Variants in LRP1B observed in about 807,000 individuals in gnomAD.
LRP1B encodes the protein low-density lipoprotein receptor-related protein 1B.
Under a neutral mutation model 556.6 loss-of-function variants are expected in LRP1B, and 217 were observed. That is an observed-to-expected ratio of 0.39 (90% CI 0.35 to 0.44). The LOEUF (loss-of-function observed/expected upper bound fraction) is 0.44. LRP1B is among the 20% of genes least tolerant of loss of function. The probability of loss-of-function intolerance (pLI) is 1.00; values close to 1 mark genes in which losing one functional copy is unlikely to be tolerated. For synonymous variants in LRP1B, 2,047 were observed against 1,865.8 expected (o/e 1.10, Z -2.50); for missense variants, 5,053 against 5,620.8 (o/e 0.90, Z 3.23).
chr2:141,412,784 A>G (rs575788061), intron 3 of LRP1B, among the ~76,000 whole-genome samples: 4 of 152,330 alleles, frequency 2.6e-5, no homozygotes, highest in Non-Finnish European at 5.9e-5. Flanking sequence ...GAAATGATAA[A>G]TCCTGAATCC....
intron 3 of LRP1B, among the ~76,000 whole-genome samples, chr2:141,438,455 T>A (rs116697368): frequency 2.0e-3 from 307 of 152,300 alleles, no homozygotes; most frequent in Non-Finnish European, 3.7e-3. Context: ...GCATTTTTCA[T>A]TTCTAATTAC....
At chr2:141,861,276 C>A (rs918229326) in intron 1 of LRP1B, among the ~76,000 whole-genome samples, 1 of 152,148 alleles carries the variant, frequency 6.6e-6, no homozygotes, top group Non-Finnish European at 1.5e-5. Context: ...TTACTCTCCC[C>A]CTTGAGGACT....
intron 60 of LRP1B, among the ~76,000 whole-genome samples, chr2:140,466,695 C>A (rs1348334534): frequency 6.6e-6 from 1 of 152,078 alleles, no homozygotes; most frequent in African/African-American, 2.4e-5. Flanking sequence ...ACATAACCAA[C>A]TGACTTAACA....
At chr2:142,046,583 G>A (rs1704268182) in intron 1 of LRP1B, among the ~76,000 whole-genome samples, 1 of 151,928 alleles carries the variant, frequency 6.6e-6, no homozygotes. Flanking sequence ...AATTTTCTGA[G>A]TAAACAAAAA....
chr2:140,291,297 T>TG (rs1336083564), intron 84 of LRP1B, among the ~76,000 whole-genome samples: 1 of 51,748 alleles, frequency 1.9e-5, no homozygotes, highest in Non-Finnish European at 3.9e-5. Context: ...GAAATTTTAT[T>TG]TTATATATAT....
intron 1 of LRP1B, among the ~76,000 whole-genome samples, chr2:141,965,886 A>G (rs1259340390): frequency 1.3e-5 from 2 of 151,112 alleles, no homozygotes; most frequent in Admixed American, 6.6e-5. Context: ...AATTGCTGAG[A>G]CAAATTTTAT....
In LRP1B at chr2:140,601,553, G is replaced by A. The variant is rs2105198957; in HGVS notation, c.6886C>T (p.His2296Tyr). 1 of 1,613,250 alleles carries A rather than the reference G, an allele frequency of 6.2e-7. No individual in the cohort carries two copies. The highest frequency in any genetic ancestry group is 8.5e-7 in the Non-Finnish European group (1 of 1,179,504). ...TSSTTSSITR[H>Y]TVDQTRPGAF... is the part of the protein sequence containing the mutation. ...CCAGGCCGAGTCTGGTCCACAGTGT[G>A]TCTGGTGATGGATGAGGTGGTAGAG... is the stretch of plus-strand genomic sequence containing the variant. The change falls in exon 42 of 91, where the codon CAC becomes TAC. Residue 2296 changes from histidine to tyrosine, a missense_variant. Coordinates refer to ENST00000389484, the MANE Select transcript of LRP1B (RefSeq NM_018557.3).
chr2:141,424,877 T>G (rs1013372688), intron 3 of LRP1B, among the ~76,000 whole-genome samples: 1 of 152,220 alleles, frequency 6.6e-6, no homozygotes, highest in Non-Finnish European at 1.5e-5. Context: ...TGAATTACTT[T>G]GAAAATCAAA....
At chr2:140,586,711 G>A (rs1448995896) in intron 43 of LRP1B, 3 of 152,152 alleles carry the variant, frequency 2.0e-5, no homozygotes, top group Admixed American at 6.6e-5. Context: ...CTCCGATAGG[G>A]TAGCACCCCT....
At chr2:140,504,309 A>G (rs955957586) in intron 53 of LRP1B, among the ~76,000 whole-genome samples, 1 of 152,144 alleles carries the variant, frequency 6.6e-6, no homozygotes, top group Non-Finnish European at 1.5e-5. Context: ...CTACCTTAGA[A>G]AGAGTTTCCT....
rs370061233 is a variant in LRP1B at position 141,225,071 on chromosome 2, G to A, written c.850+4112C>T. Among the ~76,000 whole-genome samples, 36 of 152,194 alleles carry A rather than the reference G, an allele frequency of 2.4e-4. No homozygotes were observed. In the East Asian group the frequency reaches 4.4e-3, roughly 19 times the overall value. The stretch of plus-strand genomic sequence containing the variant: ...CTCTAGTTAGAGGTTCAAATAGAAC[G>A]TAATTTAAAGTTGACATTAAAACAA... On this transcript the variant is annotated intron_variant, in intron 6 of 90. Coordinates refer to ENST00000389484, the MANE Select transcript of LRP1B (RefSeq NM_018557.3).
chr2:141,191,677 A>T (rs1206171556), intron 6 of LRP1B, among the ~76,000 whole-genome samples: 1 of 69,824 alleles, frequency 1.4e-5, no homozygotes, highest in East Asian at 6.7e-4. Flanking sequence ...AAACAAAAAT[A>T]AGCTTTTTTT....
intron 1 of LRP1B, among the ~76,000 whole-genome samples, chr2:141,869,432 A>G (rs1229278314): frequency 6.6e-6 from 1 of 152,064 alleles, no homozygotes; most frequent in African/African-American, 2.4e-5. Flanking sequence ...GAAAAACTAC[A>G]TTATTAACCA....
intron 3 of LRP1B, among the ~76,000 whole-genome samples, chr2:141,291,995 T>C (rs1340160111): frequency 6.6e-6 from 1 of 151,532 alleles, no homozygotes; most frequent in Non-Finnish European, 1.5e-5. Flanking sequence ...CCCAATGCGA[T>C]GAACTACTAC....
intron 82 of LRP1B, among the ~76,000 whole-genome samples, chr2:140,320,391 GT>G (rs1680041092): frequency 6.6e-6 from 1 of 152,120 alleles, no homozygotes; most frequent in Non-Finnish European, 1.5e-5. Context: ...CAAATTGGAT[GT>G]AACCTTCAGC....
At chr2:142,077,654 T>C (rs1013840740) in intron 1 of LRP1B, among the ~76,000 whole-genome samples, 8 of 152,124 alleles carry the variant, frequency 5.3e-5, no homozygotes, top group African/African-American at 1.9e-4. Flanking sequence ...TTTGAAGTGC[T>C]AAGAGACAGT....
intron 3 of LRP1B, among the ~76,000 whole-genome samples, chr2:141,450,015 C>A (rs1681356031): frequency 6.6e-6 from 1 of 152,044 alleles, no homozygotes; most frequent in Non-Finnish European, 1.5e-5. Context: ...CAGTTGAGAA[C>A]CACTGGTTTC....
At chr2:141,980,596 A>G (rs1357299147) in intron 1 of LRP1B, among the ~76,000 whole-genome samples, 2 of 152,176 alleles carry the variant, frequency 1.3e-5, no homozygotes, top group Non-Finnish European at 2.9e-5. Context: ...GGGAATTATG[A>G]AATTCAAAAC....
chr2:141,605,217 G>A (rs1191412347), intron 2 of LRP1B, among the ~76,000 whole-genome samples: 1 of 151,960 alleles, frequency 6.6e-6, no homozygotes, highest in African/African-American at 2.4e-5. Flanking sequence ...TGACACTTGA[G>A]ATAACAATGG....
Sources: allele counts gnomAD v4.1 joint callset (sites outside exome capture counted in the v4.1 genomes callset), GRCh38; gene constraint gnomAD v4.1.1; transcripts MANE v1.5; gene names NCBI Gene and HGNC (gene_info 2026-07-23, HGNC 2026-07-21).